The following EPHA3 variants were observed in gnomAD, a reference collection of about 807,000 sequenced individuals.
The protein encoded by EPHA3 is ephrin type-A receptor 3.
EPHA3 carries 42 observed loss-of-function variants against 107.1 expected under a neutral mutation model. The ratio of observed to expected loss-of-function variants is 0.39; its 90% CI spans 0.31 to 0.51. The LOEUF (loss-of-function observed/expected upper bound fraction) is 0.51. Ranked by LOEUF, EPHA3 falls within the 20% of genes least tolerant of loss-of-function variation. The pLI, the probability that EPHA3 is intolerant of heterozygous loss-of-function variation, is 0.78. For missense variants in EPHA3, 1,183 were observed against 1,211.2 expected (o/e 0.98, Z 0.35); for synonymous variants, 461 against 424.8 (o/e 1.09, Z -1.05).
At chr3:89,108,451 T>C (rs1165696806) in intron 1 of EPHA3, among the ~76,000 whole-genome samples, 3 of 152,188 alleles carry the variant, frequency 2.0e-5, no homozygotes, top group Admixed American at 2.0e-4. Flanking sequence ...GTAAGTAATA[T>C]TTGCAAGAAT....
intron 3 of EPHA3, among the ~76,000 whole-genome samples, chr3:89,305,535 A>G (rs1706595880): frequency 6.6e-6 from 1 of 152,156 alleles, no homozygotes; most frequent in Non-Finnish European, 1.5e-5. Flanking sequence ...TATTCTTATT[A>G]TGTAATATGA....
chr3:89,249,298 C>T (rs1429734256), intron 3 of EPHA3, among the ~76,000 whole-genome samples: 1 of 152,232 alleles, frequency 6.6e-6, no homozygotes, highest in Non-Finnish European at 1.5e-5. Flanking sequence ...TTTGACATCT[C>T]ACTTCCTCTT....
chr3:89,122,872 TA>T (rs1306051624), intron 1 of EPHA3, among the ~76,000 whole-genome samples: 6 of 152,192 alleles, frequency 3.9e-5, no homozygotes, highest in African/African-American at 1.4e-4. Flanking sequence ...CTATGTAAAT[TA>T]TTTGAATAGG....
At chr3:89,170,600 G>A (rs1380354262) in intron 2 of EPHA3, among the ~76,000 whole-genome samples, 1 of 152,128 alleles carries the variant, frequency 6.6e-6, no homozygotes, top group African/African-American at 2.4e-5. Flanking sequence ...GTGCTGTTGC[G>A]ACTACTCTTG....
chr3:89,207,200 G>A (rs1181731795), intron 2 of EPHA3, among the ~76,000 whole-genome samples: 5 of 151,984 alleles, frequency 3.3e-5, no homozygotes, highest in African/African-American at 9.7e-5. Context: ...CCAAATAAAT[G>A]TCATGTTCCT....
chr3:89,371,594 A>G (rs557954644), intron 5 of EPHA3, among the ~76,000 whole-genome samples: 35 of 151,734 alleles, frequency 2.3e-4, no homozygotes, highest in African/African-American at 8.2e-4. Context: ...GGCCACCTCC[A>G]GTTCAGTAAT....
At chr3:89,269,121 G>A (rs560472958) in intron 3 of EPHA3, among the ~76,000 whole-genome samples, 3 of 152,152 alleles carry the variant, frequency 2.0e-5, no homozygotes, top group East Asian at 3.9e-4. Context: ...GATCTTTTAA[G>A]CATTTAATGT....
At chr3:89,108,824 G>C (rs1454190936) in intron 1 of EPHA3, among the ~76,000 whole-genome samples, 1 of 152,150 alleles carries the variant, frequency 6.6e-6, no homozygotes, top group Non-Finnish European at 1.5e-5. Context: ...TAATTGATTA[G>C]TGTAAAGCCA....
intron 10 of EPHA3, among the ~76,000 whole-genome samples, chr3:89,416,657 T>C (rs1709254526): frequency 6.6e-6 from 1 of 151,426 alleles, no homozygotes; most frequent in South Asian, 2.1e-4. Flanking sequence ...ATGTCTTTTA[T>C]AATATATTGG....
intron 7 of EPHA3, among the ~76,000 whole-genome samples, chr3:89,403,502 A>AAAT (rs1206165117): frequency 2.6e-5 from 4 of 152,184 alleles, no homozygotes; most frequent in Non-Finnish European, 4.4e-5. Flanking sequence ...ATGAAAAAAA[A>AAAT]AATACTAAGC....
At chr3:89,424,767 A>G (rs1709423668) in intron 11 of EPHA3, among the ~76,000 whole-genome samples, 3 of 151,490 alleles carry the variant, frequency 2.0e-5, no homozygotes, top group African/African-American at 7.3e-5. Flanking sequence ...TATGCCTTAC[A>G]TTATTGTGCT....
intron 3 of EPHA3, among the ~76,000 whole-genome samples, chr3:89,217,000 G>C (rs959430399): frequency 3.9e-5 from 6 of 152,082 alleles, no homozygotes; most frequent in African/African-American, 1.4e-4. Context: ...GTTTCACAAA[G>C]ATTGCTTTGT....
At chr3:89,133,610 A>T (rs1207171113) in intron 2 of EPHA3, among the ~76,000 whole-genome samples, 2 of 152,194 alleles carry the variant, frequency 1.3e-5, no homozygotes, top group East Asian at 3.9e-4. Context: ...AATATGGCAG[A>T]TGAGGCAAAA....
intron 3 of EPHA3, among the ~76,000 whole-genome samples, chr3:89,232,819 G>A (rs765125174): frequency 1.1e-4 from 16 of 152,098 alleles, no homozygotes; most frequent in Non-Finnish European, 1.6e-4. Flanking sequence ...AAGAGACTTA[G>A]CTATTTGCCT....
chr3:89,340,163 C>A (rs933858514), intron 3 of EPHA3, among the ~76,000 whole-genome samples: 8 of 151,914 alleles, frequency 5.3e-5, no homozygotes, highest in African/African-American at 1.9e-4. Flanking sequence ...ATAACCAGTT[C>A]AATAGGCTTA....
At chr3:89,144,601 T>C (rs1026268068) in intron 2 of EPHA3, among the ~76,000 whole-genome samples, 8 of 151,824 alleles carry the variant, frequency 5.3e-5, no homozygotes, top group African/African-American at 1.9e-4. Context: ...TCTTTTCATA[T>C]TATCACTTGT....
At chr3:89,431,457 C>A in intron 13 of EPHA3, 98 bp downstream of exon 13, 1 of 931,882 alleles carries the variant, frequency 1.1e-6, no homozygotes. Context: ...AACGTGTTGT[C>A]AATTATGCTT....
chr3:89,381,931 A>G (rs1232647922), intron 5 of EPHA3, among the ~76,000 whole-genome samples: 2 of 152,188 alleles, frequency 1.3e-5, no homozygotes, highest in African/African-American at 2.4e-5. Flanking sequence ...TCCATTGTTT[A>G]TAAGCTGTTC....
chr3:89,150,316 T>G (rs184443308), intron 2 of EPHA3, among the ~76,000 whole-genome samples: 89 of 152,204 alleles, frequency 5.8e-4, no homozygotes, highest in Non-Finnish European at 5.9e-4. Context: ...AAAGTCAACA[T>G]GGTCTTTAGG....
Sources: gnomAD v4.1 joint callset for allele counts (sites outside exome capture counted in the v4.1 genomes callset) on GRCh38, gnomAD v4.1.1 for gene constraint, MANE v1.5 for transcripts, NCBI Gene and HGNC (gene_info 2026-07-23, HGNC 2026-07-21) for gene names.